HUWE1: variants seen among roughly 807,000 people sequenced by gnomAD.
The protein encoded by HUWE1 is E3 ubiquitin-protein ligase HUWE1.
In HUWE1, 18 loss-of-function variants were observed where a neutral mutation model predicts 299.4. The ratio of observed to expected loss-of-function variants is 0.06; its 90% CI spans 0.04 to 0.09. The LOEUF (loss-of-function observed/expected upper bound fraction) is 0.09. Ranked by LOEUF, HUWE1 falls within the 10% of genes least tolerant of loss-of-function variation. The pLI is 1.00. For missense variants in HUWE1, 1,832 were observed against 3,462.3 expected, an observed-to-expected ratio of 0.53 and a Z score of 11.82; for synonymous variants, 1,317 against 1,286.1, an observed-to-expected ratio of 1.02 and a Z score of -0.51.
intron 43 of HUWE1, among the ~76,000 whole-genome samples, chrX:53,578,196 C>T (rs1462656995): frequency 5.2e-4 from 45 of 86,840 alleles, no homozygotes; most frequent in East Asian, 7.9e-4. Context: ...ATGTGAGGAG[C>T]GCCTCTGCTG....
At chrX:53,665,378 A>G (rs1306529100) in intron 3 of HUWE1, among the ~76,000 whole-genome samples, 1 of 112,544 alleles carries the variant, frequency 8.9e-6, no homozygotes, top group African/African-American at 3.2e-5. Flanking sequence ...TATACCTCAG[A>G]TTAAGAGTTT....
rs192397482 is a variant in HUWE1 at position 53,626,551 on chromosome X, T to C, written c.1489+859A>G. Among the ~76,000 whole-genome samples the C allele has an allele frequency of 1.7e-3, 186 of 111,569 alleles. 2 individuals carry two copies. Among genetic ancestry groups the C allele is most frequent in the African/African-American group, 5.9e-3 (180 of 30,632 alleles). On this transcript the variant is annotated intron_variant, in intron 17 of 83. Transcript: ENST00000262854. ...ACTACATACATACTTAACATCAACATGTATTTGAATATGCATAAAAAAGCC... is the reference window on the plus strand; with the variant it reads ...ACTACATACATACTTAACATCAACACGTATTTGAATATGCATAAAAAAGCC...
At chrX:53,544,857 G>A in intron 71 of HUWE1, 95 bp from the exon 72 acceptor site, 3 of 934,491 alleles carry the variant, frequency 3.2e-6, no homozygotes, top group Non-Finnish European at 4.6e-6. Flanking sequence ...AGAGGGGTAA[G>A]GAAACTCAGA....
chrX:53,651,472 G>C (rs1217933610), intron 4 of HUWE1, among the ~76,000 whole-genome samples: 3 of 111,656 alleles, frequency 2.7e-5, no homozygotes, highest in African/African-American at 9.8e-5. Context: ...AATGGCAATG[G>C]TATTTGTATA....
chrX:53,618,653 C>T (rs1021631671), intron 19 of HUWE1, among the ~76,000 whole-genome samples: 8 of 108,025 alleles, frequency 7.4e-5, no homozygotes, highest in African/African-American at 2.7e-4. Context: ...CAGCCTCCAC[C>T]TCCTGGGTTC....
intron 2 of HUWE1, 34 bp from the exon 3 acceptor site, chrX:53,680,220 TACACA>T (rs1215672932): frequency 2.4e-5 from 7 of 293,363 alleles, no homozygotes; most frequent in African/African-American, 5.5e-5. Context: ...AGGAGTGAGA[TACACA>T]ACACATTTAT....
chrX:53,655,971 G>T (rs2068723126), intron 3 of HUWE1, among the ~76,000 whole-genome samples: 2 of 111,953 alleles, frequency 1.8e-5, no homozygotes, highest in Admixed American at 9.5e-5. Context: ...AGATGTCAAA[G>T]GATCATCCAC....
chrX:53,553,040 T>G (rs2061829347), intron 61 of HUWE1, 147 bp from the exon 62 acceptor site: 2 of 612,100 alleles, frequency 3.3e-6, no homozygotes, highest in Non-Finnish European at 5.4e-6. Flanking sequence ...CAATCTCACT[T>G]TGAGATTTCT....
At chrX:53,534,909 A>ATCCTAAC (rs2060940918) in intron 81 of HUWE1, among the ~76,000 whole-genome samples, 1 of 108,613 alleles carries the variant, frequency 9.2e-6, no homozygotes, top group Non-Finnish European at 1.9e-5. Context: ...TACAAATGTG[A>ATCCTAAC]GCCACTGTGT....
At chrX:53,603,073 G>A (rs1166686380) in intron 27 of HUWE1, among the ~76,000 whole-genome samples, 1 of 111,080 alleles carries the variant, frequency 9.0e-6, no homozygotes, top group East Asian at 2.8e-4. Flanking sequence ...GGCTGGTCTC[G>A]AACACCTGAC....
At chrX:53,662,999 G>A (rs782585356) in intron 3 of HUWE1, among the ~76,000 whole-genome samples, 1 of 112,165 alleles carries the variant, frequency 8.9e-6, no homozygotes, top group Non-Finnish European at 1.9e-5. Context: ...GGCTAGTGAG[G>A]AAAGAGCAAA....
intron 3 of HUWE1, among the ~76,000 whole-genome samples, chrX:53,666,274 T>G (rs1433056870): frequency 9.0e-6 from 1 of 110,944 alleles, no homozygotes; most frequent in Non-Finnish European, 1.9e-5. Context: ...CAGGCCAGCC[T>G]TGAGAGCCAT....
chrX:53,621,836 A>G (rs782207305), intron 19 of HUWE1, among the ~76,000 whole-genome samples: 1 of 112,256 alleles, frequency 8.9e-6, no homozygotes, highest in Non-Finnish European at 1.9e-5. Context: ...CCCTTGGAGG[A>G]TTTCAATACT....
At chrX:53,630,849 C>T (rs1279028879) in intron 12 of HUWE1, 86 bp downstream of exon 12, 7 of 572,075 alleles carry the variant, frequency 1.2e-5, no homozygotes, top group Non-Finnish European at 1.9e-5. Context: ...TAATAGGACT[C>T]ATAGCAACAA....
intron 23 of HUWE1, among the ~76,000 whole-genome samples, chrX:53,609,759 G>C (rs1557000353): frequency 8.9e-6 from 1 of 112,297 alleles, no homozygotes; most frequent in African/African-American, 3.2e-5. Context: ...TTTGGGCACA[G>C]GGTGCAGGAG....
At chrX:53,626,966 T>A (rs935276767) in intron 17 of HUWE1, among the ~76,000 whole-genome samples, 1 of 111,603 alleles carries the variant, frequency 9.0e-6, no homozygotes, top group African/African-American at 3.3e-5. Context: ...CTCCTTTCTC[T>A]TCTCAAAATA....
Position 53,607,713 on chromosome X carries a change from A to T in HUWE1, c.2320-14T>A. On this transcript the variant is annotated splice_polypyrimidine_tract_variant and intron_variant, in intron 24 of 83. Transcript: ENST00000262854. ...CACAAATTTCATCTAGGTAATAAAA[A>T]TTTTTTAAAGAAGTTAGAGCCTGAC... 8.7e-7 allele frequency: 1 copy of T among 1,152,879 alleles called. No individual in the cohort carries two copies. Among genetic ancestry groups the T allele is most frequent in the Non-Finnish European group, 1.2e-6 (1 of 846,399 alleles).
chrX:53,559,624 T>A, intron 56 of HUWE1, 92 bp from the exon 57 acceptor site: 1 of 743,873 alleles, frequency 1.3e-6, no homozygotes, highest in Non-Finnish European at 2.1e-6. Flanking sequence ...CATCCTCTAT[T>A]AAATGCAGAA....
chrX:53,604,539 A>G, intron 26 of HUWE1, 50 bp downstream of exon 26: 1 of 1,184,932 alleles, frequency 8.4e-7, no homozygotes, highest in Non-Finnish European at 1.1e-6. Flanking sequence ...TATGCCCTAG[A>G]TATTTCACTG....
Sources: allele counts gnomAD v4.1 joint callset (sites outside exome capture counted in the v4.1 genomes callset), GRCh38; gene constraint gnomAD v4.1.1; transcripts MANE v1.5; gene names NCBI Gene and HGNC (gene_info 2026-07-23, HGNC 2026-07-21).